Variants in USP30 observed in about 807,000 individuals in gnomAD.
USP30 encodes ubiquitin specific peptidase 30, also known as ubiquitin carboxyl-terminal hydrolase 30.
USP30 carries 41 observed loss-of-function variants against 68.2 expected under a neutral mutation model. That is an observed-to-expected ratio of 0.60 (90% CI 0.47 to 0.78). The LOEUF is 0.78. Ranked by LOEUF, USP30 falls within the 30% of genes least tolerant of loss-of-function variation. The pLI, the probability that USP30 is intolerant of heterozygous loss-of-function variation, is 0.00. For missense variants in USP30, 522 were observed against 649.4 expected, an observed-to-expected ratio of 0.80 and a Z score of 2.13; for synonymous variants, 229 against 253.7, an observed-to-expected ratio of 0.90 and a Z score of 0.93.
chr12:109,052,849 G>A lies in USP30; in HGVS notation c.83+88G>A, dbSNP rs2040712141. On this transcript the variant is annotated intron_variant, in intron 1 of 12. Transcript: ENST00000257548. Reference sequence around the variant, plus strand: ...TGACGGCTTTTTCATGCCCTAGTTGGGGTCTCCAGGGCCCGCGCGGGCATT... The same window carrying A: ...TGACGGCTTTTTCATGCCCTAGTTGAGGTCTCCAGGGCCCGCGCGGGCATT... 5 of 1,282,536 alleles carry A rather than the reference G, an allele frequency of 3.9e-6. No homozygotes were observed. The South Asian group carries it at 5.5e-5, about 14-fold the overall frequency. 79.4% of individuals were successfully genotyped at this position (1,282,536 alleles called of 1,614,324 possible).
At chr12:109,079,068 A>AT (rs1347949935) in intron 7 of USP30, among the ~76,000 whole-genome samples, 1 of 151,886 alleles carries the variant, frequency 6.6e-6, no homozygotes, top group African/African-American at 2.4e-5. Context: ...TTTTCTTAGT[A>AT]TTTATCTTAT....
intron 3 of USP30, among the ~76,000 whole-genome samples, chr12:109,034,836 T>C (rs544191498): frequency 6.6e-6 from 1 of 152,330 alleles, no homozygotes; most frequent in Non-Finnish European, 1.5e-5. Context: ...AATTGTTTTA[T>C]CTTCTTAATG....
intron 3 of USP30, among the ~76,000 whole-genome samples, chr12:109,060,441 C>T (rs1168930990): frequency 6.6e-6 from 1 of 152,120 alleles, no homozygotes; most frequent in African/African-American, 2.4e-5. Flanking sequence ...CTGCTTGACA[C>T]AGAAATCTTT....
At chr12:109,072,171 C>T (rs749728593) in intron 5 of USP30, 134 bp from the exon 6 acceptor site, 3 of 729,342 alleles carry the variant, frequency 4.1e-6, no homozygotes, top group Non-Finnish European at 7.0e-6. Flanking sequence ...CCTTTAGAAA[C>T]CTGAGCTTTG....
chr12:109,062,821 TTCA>T (rs1490566343), intron 3 of USP30, among the ~76,000 whole-genome samples: 2 of 152,118 alleles, frequency 1.3e-5, no homozygotes, highest in African/African-American at 4.8e-5. Flanking sequence ...TCTAGAACTC[TTCA>T]TCATCCCGTA....
chr12:109,042,514 C>G (rs1365940970), intron 3 of USP30, among the ~76,000 whole-genome samples: 5 of 152,158 alleles, frequency 3.3e-5, no homozygotes, highest in Non-Finnish European at 7.4e-5. Flanking sequence ...CCTTTCCTAA[C>G]AATACGGAAA....
chr12:109,047,486 A>G (rs150431042), intron 3 of USP30: 1 of 152,360 alleles, frequency 6.6e-6, no homozygotes, highest in East Asian at 1.9e-4. Flanking sequence ...AAAAATAAAC[A>G]GAAATCTTGT....
intron 3 of USP30, among the ~76,000 whole-genome samples, chr12:109,064,575 TGGCCTCATTC>T (rs1238269983): frequency 6.6e-6 from 1 of 152,208 alleles, no homozygotes; most frequent in Non-Finnish European, 1.5e-5. Context: ...CCACTGCACC[TGGCCTCATTC>T]ACTTTTACAG....
chr12:109,086,059 C>T lies in USP30; in HGVS notation c.*128C>T. The stretch of plus-strand genomic sequence containing the variant: ...CCAGCCTTCTGGTGTGTTCTAAGAG[C>T]AGGCTCCACCTGGGAGCCAGCCCCA... On this transcript the variant is annotated 3_prime_UTR_variant, in exon 13 of 13. Transcript: ENST00000257548. The T allele has an allele frequency of 7.3e-7, 1 of 1,373,502 alleles. No homozygotes were observed. The highest frequency in any genetic ancestry group is 9.6e-7 in the Non-Finnish European group (1 of 1,037,798). 85.1% of individuals were successfully genotyped at this position (1,373,502 alleles called of 1,614,324 possible). A position where few individuals can be genotyped will look rare whatever the true frequency, so the allele number is the denominator to read the frequency against.
intron 3 of USP30, 134 bp downstream of exon 3, chr12:109,058,242 A>G (rs2040938882): frequency 1.0e-6 from 1 of 974,488 alleles, no homozygotes; most frequent in Non-Finnish European, 1.5e-6. Flanking sequence ...AACAACACCA[A>G]GAGCCCAATA....
intron 3 of USP30, among the ~76,000 whole-genome samples, chr12:109,038,771 C>T (rs1216982244): frequency 6.6e-6 from 1 of 152,186 alleles, no homozygotes; most frequent in African/African-American, 2.4e-5. Context: ...TCCTCACCAA[C>T]AAGTGATATT....
At chr12:109,030,904 G>A (rs896685245) in intron 3 of USP30, among the ~76,000 whole-genome samples, 5 of 152,036 alleles carry the variant, frequency 3.3e-5, no homozygotes, top group African/African-American at 4.8e-5. Flanking sequence ...GTGAGCCACC[G>A]TGCCAGGCCG....
chr12:109,081,660 C>CACACACACACACACACACACACACAG, intron 8 of USP30: 1 of 565,536 alleles, frequency 1.8e-6, no homozygotes, highest in South Asian at 2.1e-5. Flanking sequence ...CACACACACA[C>CACACACACACACACACACACACACAG]ACAGACATTA....
chr12:109,053,526 C>G (rs1167575634), intron 1 of USP30, among the ~76,000 whole-genome samples: 1 of 152,106 alleles, frequency 6.6e-6, no homozygotes, highest in African/African-American at 2.4e-5. Flanking sequence ...CCCCCTCCCC[C>G]ACTGCTGACC....
At chr12:109,036,483 A>T (rs1395972822) in intron 3 of USP30, among the ~76,000 whole-genome samples, 1 of 151,962 alleles carries the variant, frequency 6.6e-6, no homozygotes, top group Non-Finnish European at 1.5e-5. Flanking sequence ...TTTTGGATAG[A>T]GATGGGGTTT....
At chr12:109,045,125 T>G (rs1177096853) in intron 3 of USP30, among the ~76,000 whole-genome samples, 1 of 151,648 alleles carries the variant, frequency 6.6e-6, no homozygotes, top group Admixed American at 6.6e-5. Flanking sequence ...ATTATAGGCA[T>G]GTACTACCAT....
At position 109,052,596 on chromosome 12, in the gene USP30, C is replaced by G; in HGVS notation, c.-83C>G. 5 of 1,355,438 alleles carry G rather than the reference C, an allele frequency of 3.7e-6. No individual in the cohort carries two copies. The highest frequency in any genetic ancestry group is 4.8e-6 in the Non-Finnish European group (5 of 1,044,458). 84.0% of individuals were successfully genotyped at this position (1,355,438 alleles called of 1,614,324 possible). Reference sequence around the variant, plus strand: ...GGACTGCGGCCGCAGGTTCCGCTGTCTCGGGAACCGTCGTATCCCTCGGTC... The same window carrying G: ...GGACTGCGGCCGCAGGTTCCGCTGTGTCGGGAACCGTCGTATCCCTCGGTC... On this transcript the variant is annotated 5_prime_UTR_variant, in exon 1 of 13. Coordinates refer to ENST00000257548, the MANE Select transcript of USP30 (RefSeq NM_032663.5).
intron 7 of USP30, among the ~76,000 whole-genome samples, chr12:109,079,590 T>A (rs144488199): frequency 2.0e-5 from 3 of 152,120 alleles, no homozygotes; most frequent in Non-Finnish European, 4.4e-5. Context: ...GGTCCTGAAC[T>A]CCTGGGCTCA....
chr12:109,055,510 C>G (rs1457108850), intron 1 of USP30, among the ~76,000 whole-genome samples: 1 of 143,656 alleles, frequency 7.0e-6, no homozygotes, highest in East Asian at 2.1e-4. Context: ...TCAAGCCATT[C>G]TGCCTCGGCC....
Sources: allele counts gnomAD v4.1 joint callset (sites outside exome capture counted in the v4.1 genomes callset), GRCh38; gene constraint gnomAD v4.1.1; transcripts MANE v1.5; gene names NCBI Gene and HGNC (gene_info 2026-07-23, HGNC 2026-07-21).